Variants in MMS22L observed in about 807,000 individuals in gnomAD.
MMS22L encodes the protein protein MMS22-like.
MMS22L carries 74 observed loss-of-function variants against 159.1 expected under a neutral mutation model. The observed-to-expected ratio is 0.47, with a 90% confidence interval of 0.39 to 0.56. The LOEUF is 0.56. Ranked by LOEUF, MMS22L falls within the 20% of genes least tolerant of loss-of-function variation. The probability of loss-of-function intolerance (pLI) is 0.00; values close to 1 mark genes in which losing one functional copy is unlikely to be tolerated. For synonymous variants in MMS22L, 517 were observed against 506.9 expected (o/e 1.02, Z -0.27); for missense variants, 1,351 against 1,422.1 (o/e 0.95, Z 0.80).
Position 97,171,766 on chromosome 6 carries a change from T to C in MMS22L, c.2839+1297A>G, listed in dbSNP as rs200608719. 7.2e-5 allele frequency among the ~76,000 whole-genome samples: 11 copies of C among 152,264 alleles called. No individual in the cohort carries two copies. In the East Asian group the frequency reaches 1.9e-3, roughly 27 times the overall value. ...TACAGTGTTTCAGTGGTTAACTCCT[T>C]CCCTCAAATGGTTATGCTATCCCAA... On this transcript the variant is annotated intron_variant, in intron 19 of 24. Transcript: ENST00000683635.
intron 12 of MMS22L, among the ~76,000 whole-genome samples, chr6:97,232,536 T>C (rs1810978770): frequency 6.6e-6 from 1 of 152,146 alleles, no homozygotes; most frequent in Non-Finnish European, 1.5e-5. Flanking sequence ...GCAGTCATTA[T>C]TCTTTCTTAT....
chr6:97,160,308 TCA>T (rs1802306170), intron 22 of MMS22L, among the ~76,000 whole-genome samples: 1 of 152,014 alleles, frequency 6.6e-6, no homozygotes, highest in Admixed American at 6.6e-5. Context: ...ACAAATTCTC[TCA>T]GTTTTAATTT....
chr6:97,197,643 A>G (rs544175146), intron 14 of MMS22L, among the ~76,000 whole-genome samples: 5 of 152,354 alleles, frequency 3.3e-5, no homozygotes. Flanking sequence ...GCACACATGC[A>G]CTAGATCTTA....
At chr6:97,153,965 AAT>A (rs201313587) in intron 22 of MMS22L, among the ~76,000 whole-genome samples, 1 of 151,378 alleles carries the variant, frequency 6.6e-6, no homozygotes, top group Admixed American at 6.6e-5. Context: ...ATTTCTCTTA[AAT>A]ATATATATAT....
chr6:97,220,721 C>T (rs1207589679), intron 14 of MMS22L, among the ~76,000 whole-genome samples: 1 of 150,474 alleles, frequency 6.6e-6, no homozygotes, highest in African/African-American at 2.5e-5. Context: ...ATATATGTCA[C>T]ATTTGTACCT....
At chr6:97,177,430 C>T (rs1804237796) in intron 18 of MMS22L, among the ~76,000 whole-genome samples, 1 of 151,808 alleles carries the variant, frequency 6.6e-6, no homozygotes, top group African/African-American at 2.4e-5. Context: ...TTTTCAAATC[C>T]CTACGAAGTT....
chr6:97,229,462 C>T lies in MMS22L; in HGVS notation c.1530-59G>A, dbSNP rs916135230. On this transcript the variant is annotated intron_variant, in intron 13 of 24. Coordinates refer to ENST00000683635, the MANE Select transcript of MMS22L (RefSeq NM_001350599.2). ...GTTTCATTCACAAAAATCTGTATCT[C>T]TTAAAAGAAAATTTGTTTCAATACT... 5 of 1,256,378 alleles carry T rather than the reference C, an allele frequency of 4.0e-6. No individual in the cohort carries two copies. The Admixed American group carries it at 1.2e-4, about 29-fold the overall frequency. 77.8% of individuals were successfully genotyped at this position (1,256,378 alleles called of 1,614,324 possible).
intron 14 of MMS22L, among the ~76,000 whole-genome samples, chr6:97,197,750 T>C (rs913110813): frequency 6.6e-6 from 1 of 152,120 alleles, no homozygotes; most frequent in Middle Eastern, 3.2e-3. Flanking sequence ...AAAGTTAGAA[T>C]ACAAGCAACA....
intron 13 of MMS22L, chr6:97,231,125 T>C (rs761042051): frequency 2.1e-5 from 5 of 238,730 alleles, no homozygotes; most frequent in Non-Finnish European, 4.1e-5. Flanking sequence ...ACATTAGTTA[T>C]CTGGTTCTAC....
chr6:97,256,794 T>C (rs1407337771), intron 9 of MMS22L, among the ~76,000 whole-genome samples: 2 of 151,934 alleles, frequency 1.3e-5, no homozygotes, highest in Non-Finnish European at 2.9e-5. Context: ...CTACAAAAAA[T>C]AAATTAGCCA....
In MMS22L at chr6:97,146,788, G is replaced by A. The variant is rs761606428; in HGVS notation, c.*18C>T. 4 of 1,506,042 alleles carry A rather than the reference G, an allele frequency of 2.7e-6. No homozygotes were observed. Among genetic ancestry groups the A allele is most frequent in the African/African-American group, 2.8e-5 (2 of 70,256 alleles). The allele number at this position is 1,506,042 out of a possible 1,614,324, so 93.3% of individuals were successfully genotyped here. On this transcript the variant is annotated 3_prime_UTR_variant, in exon 25 of 25. Transcript: ENST00000683635. ...TTAGATACTGATAATTAATAGACAG[G>A]ATGAATCACAAAATATATTAAGTAT...
chr6:97,254,511 A>T (rs758983871), intron 10 of MMS22L, 46 bp downstream of exon 10: 73 of 1,461,420 alleles, frequency 5.0e-5, no homozygotes, highest in Non-Finnish European at 3.8e-6. Flanking sequence ...AAATAATTAC[A>T]TATTAATTGA....
In MMS22L at chr6:97,149,902, G is replaced by A. The variant is rs1199793012; in HGVS notation, c.3601C>T (p.Leu1201=). 1 of 1,613,568 alleles carries A rather than the reference G, an allele frequency of 6.2e-7. No homozygotes were observed. Among genetic ancestry groups the A allele is most frequent in the East Asian group, 2.2e-5 (1 of 44,844 alleles). The change falls in exon 24 of 25, where the codon CTG becomes TTG. Residue 1201 remains leucine (L), a synonymous_variant. Transcript: ENST00000683635. ...CCCCATTTCTGCTCTGAATCCTTCA[G>A]AGACTGAGTAAGGGTAGAAATCAAG... ...IHLISTLTQS[L]KDSEQKWGLG...
intron 18 of MMS22L, among the ~76,000 whole-genome samples, chr6:97,176,913 C>T (rs1562421133): frequency 2.0e-5 from 3 of 152,086 alleles, no homozygotes; most frequent in Non-Finnish European, 4.4e-5. Context: ...AATCACAGAA[C>T]CGAGGGATAA....
At chr6:97,188,394 G>A (rs1023407535) in intron 14 of MMS22L, among the ~76,000 whole-genome samples, 2 of 152,022 alleles carry the variant, frequency 1.3e-5, no homozygotes, top group Non-Finnish European at 2.9e-5. Flanking sequence ...ATTTCTGATC[G>A]ACCTCTATAT....
chr6:97,215,116 T>TATATATATATATATA (rs1410024960), intron 14 of MMS22L, among the ~76,000 whole-genome samples: 9 of 132,052 alleles, frequency 6.8e-5, no homozygotes, highest in African/African-American at 2.9e-4. Context: ...ATATATATAT[T>TATATATATATATATA]TTTTTTTTGC....
chr6:97,184,461 A>T (rs1439726074), intron 15 of MMS22L, among the ~76,000 whole-genome samples: 1 of 152,050 alleles, frequency 6.6e-6, no homozygotes, highest in Non-Finnish European at 1.5e-5. Context: ...CTAAGTGCCT[A>T]CTTAACATGC....
intron 14 of MMS22L, among the ~76,000 whole-genome samples, chr6:97,212,298 A>G (rs1808468292): frequency 6.6e-6 from 1 of 152,212 alleles, no homozygotes; most frequent in South Asian, 2.1e-4. Flanking sequence ...AAATTAATAC[A>G]GCAGAATTTT....
In MMS22L at chr6:97,235,574, C is replaced by T. The variant is rs185802678; in HGVS notation, c.1183-1594G>A. On this transcript the variant is annotated intron_variant, in intron 11 of 24. Coordinates refer to ENST00000683635, the MANE Select transcript of MMS22L (RefSeq NM_001350599.2). ...TGCCAAGAGAAGTACTTCAGAAAAACGACAATGGTGAACAGGATTGACCTC... is the reference window on the plus strand; with the variant it reads ...TGCCAAGAGAAGTACTTCAGAAAAATGACAATGGTGAACAGGATTGACCTC... Among the ~76,000 whole-genome samples the T allele has an allele frequency of 4.6e-5, 7 of 152,226 alleles. No homozygotes were observed. In the East Asian group the frequency reaches 1.2e-3, roughly 25 times the overall value.
Sources: gnomAD v4.1 joint callset for allele counts (sites outside exome capture counted in the v4.1 genomes callset) on GRCh38, gnomAD v4.1.1 for gene constraint, MANE v1.5 for transcripts, NCBI Gene and HGNC (gene_info 2026-07-23, HGNC 2026-07-21) for gene names.